The following NPAS1 variants were observed in gnomAD, a reference collection of about 807,000 sequenced individuals.
The protein encoded by NPAS1 is neuronal PAS domain protein 1.
Under a neutral mutation model 49.2 loss-of-function variants are expected in NPAS1, and 29 were observed. The observed-to-expected ratio is 0.59, with a 90% CI of 0.44 to 0.80. NPAS1 has a LOEUF of 0.80. Ranked by LOEUF, NPAS1 falls within the 30% of genes least tolerant of loss-of-function variation. The pLI, the probability that NPAS1 is intolerant of heterozygous loss-of-function variation, is 0.00. For synonymous variants in NPAS1, 408 were observed against 380.4 expected, an observed-to-expected ratio of 1.07 and a Z score of -0.84; for missense variants, 825 against 835.5, an observed-to-expected ratio of 0.99 and a Z score of 0.15.
intron 8 of NPAS1, among the ~76,000 whole-genome samples, chr19:47,039,850 T>C (rs12985951): frequency 1.6e-4 from 25 of 151,950 alleles, no homozygotes; most frequent in East Asian, 1.2e-3. Context: ...GGTCTTTCAT[T>C]TCTCATTTCT....
chr19:47,037,333 G>A (rs1234794513), intron 6 of NPAS1, among the ~76,000 whole-genome samples: 3 of 84,752 alleles, frequency 3.5e-5, no homozygotes, highest in East Asian at 6.9e-4. Flanking sequence ...GTGAGACTCC[G>A]TCTCCAAAAA....
In NPAS1 at chr19:47,041,376, G is replaced by A. The variant is rs538164074; in HGVS notation, c.1217+251G>A. Among the ~76,000 whole-genome samples, 9 of 152,242 alleles carry A rather than the reference G, an allele frequency of 5.9e-5. No homozygotes were observed. In the East Asian group the frequency reaches 9.7e-4, roughly 16 times the overall value. ...TGAGGAAGGCAGGGGCAGGCTCACA[G>A]CCTCCTCAGGCTCAGGTGGAGGGTC... On this transcript the variant is annotated intron_variant, in intron 10 of 11. Coordinates refer to ENST00000602212, the MANE Select transcript of NPAS1 (RefSeq NM_002517.4).
intron 6 of NPAS1, among the ~76,000 whole-genome samples, chr19:47,037,199 A>G (rs1307728879): frequency 2.6e-5 from 4 of 151,744 alleles, no homozygotes; most frequent in African/African-American, 9.7e-5. Flanking sequence ...TAAAAATACA[A>G]AAATTAGCCG....
At chr19:47,033,188 G>A (rs562698407) in intron 5 of NPAS1, among the ~76,000 whole-genome samples, 12 of 151,694 alleles carry the variant, frequency 7.9e-5, no homozygotes, top group Admixed American at 2.0e-4. Context: ...CACCTGCCTC[G>A]GCCTCCCAAA....
intron 5 of NPAS1, among the ~76,000 whole-genome samples, chr19:47,033,705 C>T (rs1402325456): frequency 4.6e-5 from 7 of 151,958 alleles, no homozygotes; most frequent in Admixed American, 4.6e-4. Context: ...TGCCTGTAAT[C>T]CCAACACTTT....
rs747390283 is a variant in NPAS1, at chr19:47,036,063, C to T, written c.622C>T (p.Pro208Ser). Residue 208 changes from proline to serine, a missense_variant, in exon 6 of 12, where the codon CCA (proline) becomes TCA (serine). Pro to Ser is a moderately conservative substitution (Grantham distance 74). Transcript: ENST00000602212. ...LGLRTPTPGP[P>S]TPPSVSSSSS... ...GCTGCGGACGCCGACGCCCGGCCCC[C>T]CAACCCCGCCCTCCGTCTCCTCTTC... 2 of 1,598,884 alleles carry T rather than the reference C, an allele frequency of 1.3e-6. No individual in the cohort carries two copies. Among genetic ancestry groups the T allele is most frequent in the African/African-American group, 1.3e-5 (1 of 74,620 alleles).
At position 47,036,125 on chromosome 19, in the gene NPAS1, G is replaced by A. The variant is rs1001604976; in HGVS notation, c.684G>A (p.Glu228=). The change falls in exon 6 of 12, where the codon GAG becomes GAA. Residue 228 remains glutamate, a synonymous_variant. Transcript: ENST00000602212. ...SSSSSLADTP[E]IEASLTKVPP... ...CCTCTTCGCTTGCAGATACCCCCGAGATCGGTAATTCTAAGGGCTCCTAAA... is the reference window on the plus strand; with the variant it reads ...CCTCTTCGCTTGCAGATACCCCCGAAATCGGTAATTCTAAGGGCTCCTAAA... 7 of 1,558,462 alleles carry A rather than the reference G, an allele frequency of 4.5e-6. No individual in the cohort carries two copies. Among genetic ancestry groups the A allele is most frequent in the Non-Finnish European group, 6.1e-6 (7 of 1,151,674 alleles).
At chr19:47,020,884 C>G in intron 1 of NPAS1, 122 bp from the exon 2 acceptor site, 2 of 456,306 alleles carry the variant, frequency 4.4e-6, no homozygotes, top group South Asian at 6.6e-5. Context: ...GAAACTGAGG[C>G]ATCATCCAGG....
rs150309227 is a variant in NPAS1 at position 47,021,199 on chromosome 19, G to GA, written c.122+30_122+31insA. ...GCAAAGCCCCGCCCCCCTGGCCGCG[G>GA]GCCCCCCCCCGGGTCCAATTCACAC... On this transcript the variant is annotated intron_variant, in intron 2 of 11. Coordinates refer to ENST00000602212, the MANE Select transcript of NPAS1 (RefSeq NM_002517.4). This position sits in a 1 kb window ranked among gnomAD's most constrained non-coding sequence, Gnocchi z 5.7. 0.023 allele frequency: 34,876 copies of GA among 1,494,404 alleles called. 201 individuals are homozygous for GA. Among genetic ancestry groups the GA allele is most frequent in the East Asian group, 0.11 (4,320 of 39,240 alleles). The allele number at this position is 1,494,404 out of a possible 1,614,324, so 92.6% of individuals were successfully genotyped here. A position where few individuals can be genotyped will look rare whatever the true frequency, so the allele number is the denominator to read the frequency against.
chr19:47,040,712 CTGAG>C (rs1303385076), intron 9 of NPAS1, 162 bp downstream of exon 9: 3 of 608,132 alleles, frequency 4.9e-6, no homozygotes, highest in Non-Finnish European at 8.8e-6. Flanking sequence ...AGCAAGGAGA[CTGAG>C]TGATGCCTCA....
At chr19:47,043,172 T>C (rs1230372690) in intron 11 of NPAS1, among the ~76,000 whole-genome samples, 1 of 149,272 alleles carries the variant, frequency 6.7e-6, no homozygotes, top group Non-Finnish European at 1.5e-5. Context: ...GGCATGCGCC[T>C]GTAATCCCAG....
At position 47,025,341 on chromosome 19, in the gene NPAS1, T is replaced by C. The variant is rs1027827600; in HGVS notation, c.358+3494T>C. ...TTGCCCAGGCTGGAGTGCAATGGCA[T>C]GATCTCGGCTCACTGCAACCTCCTT... On this transcript the variant is annotated intron_variant, in intron 3 of 11. Coordinates refer to ENST00000602212, the MANE Select transcript of NPAS1 (RefSeq NM_002517.4). Among the ~76,000 whole-genome samples, 3 of 131,994 alleles carry C rather than the reference T, an allele frequency of 2.3e-5. 1 individual carries two copies. The East Asian group carries it at 8.2e-4, about 36-fold the overall frequency. 86.6% of individuals were successfully genotyped at this position (131,994 alleles called of 152,430 possible).
chr19:47,021,568 A>C lies in NPAS1; in HGVS notation c.123-44A>C. The C allele has an allele frequency of 7.5e-7, 1 of 1,336,062 alleles. No individual in the cohort carries two copies. The highest frequency in any genetic ancestry group is 9.8e-7 in the Non-Finnish European group (1 of 1,015,928). The allele number at this position is 1,336,062 out of a possible 1,614,324, so 82.8% of individuals were successfully genotyped here. A position where few individuals can be genotyped will look rare whatever the true frequency, so the allele number is the denominator to read the frequency against. On this transcript the variant is annotated intron_variant, in intron 2 of 11. Coordinates refer to ENST00000602212, the MANE Select transcript of NPAS1 (RefSeq NM_002517.4). This position sits in a 1 kb window ranked among gnomAD's most constrained non-coding sequence, Gnocchi z 5.7. ...CTCGCCCCCAGTTCCCAAGCCCCTG[A>C]GCCCCGGGGCCCCGCCGACACCTCC...
chr19:47,032,867 G>T, intron 5 of NPAS1, 135 bp downstream of exon 5: 1 of 662,360 alleles, frequency 1.5e-6, no homozygotes, highest in Admixed American at 2.3e-5. Flanking sequence ...CCCAAAGTGT[G>T]TTCCTTGGCA....
chr19:47,022,564 A>G (rs1279703426), intron 3 of NPAS1, among the ~76,000 whole-genome samples: 2 of 149,988 alleles, frequency 1.3e-5, no homozygotes, highest in Admixed American at 6.6e-5. Context: ...TGCTGTTATC[A>G]GCAGTAACCT....
chr19:47,022,828 T>C (rs903227071), intron 3 of NPAS1, among the ~76,000 whole-genome samples: 1 of 152,256 alleles, frequency 6.6e-6, no homozygotes, highest in Non-Finnish European at 1.5e-5. Context: ...TCTAAGTTTA[T>C]TATTATTACT....
intron 5 of NPAS1, among the ~76,000 whole-genome samples, chr19:47,034,314 C>CCAAA (rs559742658): frequency 1.1e-5 from 1 of 92,720 alleles, no homozygotes; most frequent in Non-Finnish European, 2.0e-5. Flanking sequence ...AACTCCGTCT[C>CCAAA]AAAAAAAAAA....
chr19:47,037,220 A>G (rs1448697971), intron 6 of NPAS1, among the ~76,000 whole-genome samples: 2 of 151,192 alleles, frequency 1.3e-5, no homozygotes, highest in African/African-American at 2.4e-5. Flanking sequence ...GGCGTGGTGC[A>G]GGTGCCTGTG....
chr19:47,021,091 A>C lies in NPAS1; in HGVS notation c.44A>C (p.Lys15Thr), dbSNP rs966590636. ...YPGSGGGSEV[K>T]CVGGRGASVP... ...GGCAGTGGCGGCGGAAGCGAGGTCA[A>C]ATGCGTGGGAGGCCGCGGCGCCAGC... Residue 15 changes from lysine to threonine, a missense_variant, in exon 2 of 12, where the codon AAA (lysine) becomes ACA (threonine). Physicochemically the swap from Lys to Thr is moderately conservative, Grantham distance 78 (BLOSUM62 -1). Coordinates refer to ENST00000602212, the MANE Select transcript of NPAS1 (RefSeq NM_002517.4). The surrounding 1 kb of genome is among the most constrained non-coding windows in gnomAD (Gnocchi z 5.7). The C allele has an allele frequency of 1.2e-6, 2 of 1,603,412 alleles. No individual in the cohort carries two copies. The highest frequency in any genetic ancestry group is 2.7e-5 in the African/African-American group (2 of 73,574).
Sources: gnomAD v4.1 joint callset for allele counts (sites outside exome capture counted in the v4.1 genomes callset) on GRCh38, gnomAD v4.1.1 for gene constraint, Gnocchi (gnomAD v3.1) non-coding constraint, MANE v1.5 for transcripts, NCBI Gene and HGNC (gene_info 2026-07-23, HGNC 2026-07-21) for gene names.